The following PPP2R5A variants were observed in gnomAD, a reference collection of about 807,000 sequenced individuals.
PPP2R5A encodes serine/threonine-protein phosphatase 2A 56 kDa regulatory subunit alpha isoform.
A neutral mutation model predicts 64.2 loss-of-function variants in PPP2R5A; 25 were observed. The observed-to-expected ratio is 0.39, with a 90% CI of 0.28 to 0.54. PPP2R5A has a LOEUF of 0.54. Ranked by LOEUF, PPP2R5A falls within the 20% of genes least tolerant of loss-of-function variation. The pLI, the probability that PPP2R5A is intolerant of heterozygous loss-of-function variation, is 0.67. For synonymous variants in PPP2R5A, 198 were observed against 201.2 expected, an observed-to-expected ratio of 0.98 and a Z score of 0.13; for missense variants, 425 against 576.3, an observed-to-expected ratio of 0.74 and a Z score of 2.69.
intron 4 of PPP2R5A, among the ~76,000 whole-genome samples, chr1:212,345,466 A>C (rs1254214909): frequency 6.6e-6 from 1 of 152,212 alleles, no homozygotes; most frequent in Non-Finnish European, 1.5e-5. Context: ...ATCAAAAAGC[A>C]TTAAAAATCC....
At chr1:212,293,508 A>G (rs969784085) in intron 1 of PPP2R5A, among the ~76,000 whole-genome samples, 1 of 152,242 alleles carries the variant, frequency 6.6e-6, no homozygotes, top group Non-Finnish European at 1.5e-5. Context: ...GACTGGGATT[A>G]TGCAAAATAA....
intron 12 of PPP2R5A, 22 bp from the exon 13 acceptor site, chr1:212,360,615 CA>C: frequency 6.6e-7 from 1 of 1,519,390 alleles, no homozygotes; most frequent in Non-Finnish European, 8.9e-7. Context: ...TTTCTGATTA[CA>C]AAAATTTTGG....
chr1:212,346,614 C>T (rs1012245968), intron 5 of PPP2R5A, among the ~76,000 whole-genome samples: 21 of 152,034 alleles, frequency 1.4e-4, no homozygotes, highest in African/African-American at 4.8e-4. Context: ...TGGTTGAATG[C>T]ACAGATAATG....
chr1:212,311,538 C>G (rs1307317195), intron 1 of PPP2R5A, among the ~76,000 whole-genome samples: 4 of 151,592 alleles, frequency 2.6e-5, no homozygotes, highest in African/African-American at 9.7e-5. Flanking sequence ...ATGTTACTGG[C>G]TTATGTATTT....
At chr1:212,286,871 G>C (rs901382341) in intron 1 of PPP2R5A, among the ~76,000 whole-genome samples, 1 of 152,176 alleles carries the variant, frequency 6.6e-6, no homozygotes, top group Non-Finnish European at 1.5e-5. Context: ...TAAAGAAAAA[G>C]CCTAAAATTT....
Position 212,360,803 on chromosome 1 carries a change from G to A in PPP2R5A, c.*33G>A. The A allele has an allele frequency of 6.7e-7, 1 of 1,493,276 alleles. No individual in the cohort carries two copies. Among genetic ancestry groups the A allele is most frequent in the Non-Finnish European group, 8.9e-7 (1 of 1,122,376 alleles). The allele number at this position is 1,493,276 out of a possible 1,614,324, so 92.5% of individuals were successfully genotyped here. ...GCCTCCCACCTCTGCCGGATAGGCA[G>A]AGTTTTGTATGCTTTTTTGAAATAT... On this transcript the variant is annotated 3_prime_UTR_variant, in exon 13 of 13. Coordinates refer to ENST00000261461, the MANE Select transcript of PPP2R5A (RefSeq NM_006243.4).
intron 4 of PPP2R5A, 134 bp downstream of exon 4, chr1:212,342,414 T>A: frequency 8.3e-7 from 1 of 1,206,228 alleles, no homozygotes; most frequent in Non-Finnish European, 1.1e-6. Flanking sequence ...TGCCAAACCA[T>A]TAGAATAAAA....
chr1:212,352,217 T>C (rs1659898753), intron 8 of PPP2R5A, among the ~76,000 whole-genome samples: 1 of 151,188 alleles, frequency 6.6e-6, no homozygotes, highest in Admixed American at 6.6e-5. Flanking sequence ...TTAGTAGAGA[T>C]GGAGTTTCAT....
At chr1:212,325,819 A>G (rs1231650444) in intron 1 of PPP2R5A, among the ~76,000 whole-genome samples, 1 of 152,210 alleles carries the variant, frequency 6.6e-6, no homozygotes, top group Non-Finnish European at 1.5e-5. Flanking sequence ...GTCAACATGT[A>G]TCTCGTTTAG....
In PPP2R5A at chr1:212,300,256, T is replaced by G. The variant is rs530545466; in HGVS notation, c.181+13965T>G. ...ATTTGGATCACCTGGATACTCTCTA[T>G]ATATTTTTAAGAACTAATTTTTTTA... On this transcript the variant is annotated intron_variant, in intron 1 of 12. Transcript: ENST00000261461. Among the ~76,000 whole-genome samples the G allele has an allele frequency of 3.3e-5, 5 of 152,316 alleles. No homozygotes were observed. In the South Asian group the frequency reaches 8.3e-4, roughly 25 times the overall value.
rs1659454574 is a variant in PPP2R5A at position 212,329,009 on chromosome 1, G to A, written c.182-126G>A. 8.2e-6 allele frequency: 5 copies of A among 612,074 alleles called. No homozygotes were observed. In the South Asian group the frequency reaches 1.2e-4, roughly 15 times the overall value. The allele number at this position is 612,074 out of a possible 1,614,324, so 37.9% of individuals were successfully genotyped here. A position where few individuals can be genotyped will look rare whatever the true frequency, so the allele number is the denominator to read the frequency against. Reference sequence around the variant, plus strand: ...CCCTGAATGATGGGGTTATAGATGGGCACATTTCTCACTAGATTTTTGGAA... The same window carrying A: ...CCCTGAATGATGGGGTTATAGATGGACACATTTCTCACTAGATTTTTGGAA... On this transcript the variant is annotated intron_variant, in intron 1 of 12. Coordinates refer to ENST00000261461, the MANE Select transcript of PPP2R5A (RefSeq NM_006243.4).
intron 1 of PPP2R5A, among the ~76,000 whole-genome samples, chr1:212,292,588 T>C (rs1019488754): frequency 2.6e-5 from 4 of 152,220 alleles, no homozygotes; most frequent in African/African-American, 7.2e-5. Flanking sequence ...TCCATATTTT[T>C]TTGAGACAGG....
chr1:212,322,721 C>T (rs1659330396), intron 1 of PPP2R5A, among the ~76,000 whole-genome samples: 1 of 151,932 alleles, frequency 6.6e-6, no homozygotes, highest in Non-Finnish European at 1.5e-5. Context: ...AGTGAAATAT[C>T]TTGTAAAGCT....
At chr1:212,344,809 G>T (rs184966508) in intron 4 of PPP2R5A, among the ~76,000 whole-genome samples, 6 of 152,224 alleles carry the variant, frequency 3.9e-5, no homozygotes, top group African/African-American at 1.2e-4. Context: ...TGGGCCAATT[G>T]AGGTATAGGA....
At chr1:212,312,028 C>T (rs1034998375) in intron 1 of PPP2R5A, among the ~76,000 whole-genome samples, 2 of 152,174 alleles carry the variant, frequency 1.3e-5, no homozygotes, top group Admixed American at 6.5e-5. Context: ...ACCACTTACT[C>T]ATCCAGAGCA....
At position 212,329,191 on chromosome 1, in the gene PPP2R5A, A is replaced by G. The variant is rs754844288; in HGVS notation, c.238A>G (p.Ile80Val). Residue 80 changes from isoleucine (I) to valine (V), a missense_variant, in exon 2 of 13, where the codon ATA (isoleucine) becomes GTA (valine). Ile to Val is a conservative substitution (Grantham distance 29, BLOSUM62 3). This residue lies in a region of PPP2R5A where 140 missense variants were observed against 204.4 expected (regional missense o/e 0.68). Transcript: ENST00000261461. ...LFCQKLQQCC[I>V]LFDFMDSVSD... ...CTGTCAGAAGTTGCAGCAGTGTTGT[A>G]TACTGTTTGATTTCATGGACTCTGT... The G allele has an allele frequency of 2.5e-6, 4 of 1,612,630 alleles. No individual in the cohort carries two copies.
intron 1 of PPP2R5A, among the ~76,000 whole-genome samples, chr1:212,322,265 G>GGGA (rs1659319036): frequency 1.4e-4 from 12 of 85,318 alleles, no homozygotes; most frequent in African/African-American, 6.3e-4. Flanking sequence ...GAGAGGGAGA[G>GGGA]GAGGGAGAGG....
In PPP2R5A at chr1:212,286,224, C is replaced by T. The variant is rs772895073; in HGVS notation, c.114C>T (p.Ser38=). 9.6e-6 allele frequency: 15 copies of T among 1,569,124 alleles called. No homozygotes were observed. The highest frequency in any genetic ancestry group is 1.3e-5 in the Non-Finnish European group (15 of 1,158,796). ...SVRKAQRQKR[S]QGSSQFRSQG... is the part of the protein sequence containing the mutation. ...GCAAGGCGCAGAGGCAGAAGCGCTC[C>T]CAGGGCTCGTCGCAGTTTCGCAGCC... The change falls in exon 1 of 13, where the codon TCC becomes TCT. Residue 38 remains serine, a synonymous_variant. Coordinates refer to ENST00000261461, the MANE Select transcript of PPP2R5A (RefSeq NM_006243.4).
intron 2 of PPP2R5A, chr1:212,331,649 G>A (rs1659507550): frequency 6.6e-6 from 1 of 152,044 alleles, no homozygotes; most frequent in Admixed American, 6.6e-5. Flanking sequence ...ATTTCCTACT[G>A]TTACTGATTT....
Sources: gnomAD v4.1 joint callset for allele counts (sites outside exome capture counted in the v4.1 genomes callset) on GRCh38, gnomAD v4.1.1 for gene constraint, gnomAD v4.1.1 regional missense constraint, MANE v1.5 for transcripts, NCBI Gene and HGNC (gene_info 2026-07-23, HGNC 2026-07-21) for gene names.